The following PLCB1 variants were observed in gnomAD, a reference collection of about 807,000 sequenced individuals.
The protein encoded by PLCB1 is phospholipase C beta 1, also known as 1-phosphatidylinositol 4,5-bisphosphate phosphodiesterase beta-1.
A neutral mutation model predicts 161.8 loss-of-function variants in PLCB1; 46 were observed. The observed-to-expected ratio is 0.28, with a 90% CI of 0.22 to 0.36. The LOEUF (loss-of-function observed/expected upper bound fraction) is 0.36. Among genes scored for constraint, PLCB1 ranks in the 10% least tolerant of loss-of-function variants. The probability of loss-of-function intolerance (pLI) is 1.00; values close to 1 mark genes in which losing one functional copy is unlikely to be tolerated. For synonymous variants in PLCB1, 517 were observed against 503.7 expected (o/e 1.03, Z -0.35); for missense variants, 1,016 against 1,472.5 (o/e 0.69, Z 5.07).
At chr20:8,750,094 G>A (rs907263861) in intron 23 of PLCB1, among the ~76,000 whole-genome samples, 1 of 152,072 alleles carries the variant, frequency 6.6e-6, no homozygotes, top group Non-Finnish European at 1.5e-5. Context: ...ATACATCTAT[G>A]TGTAAAATTG....
At position 8,484,500 on chromosome 20, in the gene PLCB1, A is replaced by G. The variant is rs1203098727; in HGVS notation, c.246+113050A>G. ...CTCAGCCTCCCAAGTAGCTGGGACTACAGGCGCCCCCTCACCATGCCCAGA... is the reference window on the plus strand; with the variant it reads ...CTCAGCCTCCCAAGTAGCTGGGACTGCAGGCGCCCCCTCACCATGCCCAGA... On this transcript the variant is annotated intron_variant, in intron 3 of 31. Coordinates refer to ENST00000338037, the MANE Select transcript of PLCB1 (RefSeq NM_015192.4). 2.0e-5 allele frequency among the ~76,000 whole-genome samples: 3 copies of G among 151,506 alleles called. No homozygotes were observed. The East Asian group carries it at 5.9e-4, about 30-fold the overall frequency.
At chr20:8,605,660 A>G (rs1349211843) in intron 3 of PLCB1, among the ~76,000 whole-genome samples, 1 of 149,156 alleles carries the variant, frequency 6.7e-6, no homozygotes, top group Non-Finnish European at 1.5e-5. Flanking sequence ...TTTTTAAAAA[A>G]TAGATTCAGG....
At chr20:8,555,433 T>C (rs1985919365) in intron 3 of PLCB1, among the ~76,000 whole-genome samples, 1 of 152,160 alleles carries the variant, frequency 6.6e-6, no homozygotes, top group East Asian at 1.9e-4. Context: ...CACAAACTCA[T>C]AGACTGAGGC....
chr20:8,335,484 T>A (rs1251310200), intron 2 of PLCB1, among the ~76,000 whole-genome samples: 1 of 152,222 alleles, frequency 6.6e-6, no homozygotes, highest in Non-Finnish European at 1.5e-5. Flanking sequence ...TGTTTTGTGT[T>A]GTTATATGAA....
chr20:8,864,442 T>G lies in PLCB1; in HGVS notation c.3424-17180T>G, dbSNP rs566887301. Among the ~76,000 whole-genome samples, 304 of 152,346 alleles carry G rather than the reference T, an allele frequency of 2.0e-3. 1 individual carries two copies. The highest frequency in any genetic ancestry group is 2.7e-3 in the Non-Finnish European group (186 of 68,042). ...TATGTTTCACATTCTCCTACTAGTCTTGGGACTTCCTGAAGCCAGGGCTGT... is the reference window on the plus strand; with the variant it reads ...TATGTTTCACATTCTCCTACTAGTCGTGGGACTTCCTGAAGCCAGGGCTGT... On this transcript the variant is annotated intron_variant, in intron 31 of 31. Coordinates refer to ENST00000338037, the MANE Select transcript of PLCB1 (RefSeq NM_015192.4).
chr20:8,687,344 T>A (rs528249726), intron 10 of PLCB1, among the ~76,000 whole-genome samples: 12 of 152,318 alleles, frequency 7.9e-5, no homozygotes, highest in African/African-American at 2.4e-4. Flanking sequence ...ATTATTTTTT[T>A]AAATTATTTT....
chr20:8,353,413 T>G (rs1021186214), intron 2 of PLCB1, among the ~76,000 whole-genome samples: 1 of 152,116 alleles, frequency 6.6e-6, no homozygotes, highest in Non-Finnish European at 1.5e-5. Context: ...CTGCCTTCTC[T>G]TAAGTGTGGG....
At chr20:8,466,497 G>T (rs1482447216) in intron 3 of PLCB1, among the ~76,000 whole-genome samples, 1 of 151,806 alleles carries the variant, frequency 6.6e-6, no homozygotes, top group Non-Finnish European at 1.5e-5. Context: ...AAACAAAAGA[G>T]CTGTACAGGG....
intron 2 of PLCB1, among the ~76,000 whole-genome samples, chr20:8,185,390 T>C (rs184262828): frequency 3.3e-5 from 5 of 152,226 alleles, no homozygotes; most frequent in Non-Finnish European, 4.4e-5. Context: ...TTATGGAACA[T>C]TCATACAGTG....
intron 3 of PLCB1, among the ~76,000 whole-genome samples, chr20:8,551,362 C>G (rs977470477): frequency 1.3e-5 from 2 of 152,186 alleles, no homozygotes; most frequent in African/African-American, 4.8e-5. Flanking sequence ...TTTTTATGTA[C>G]TTTGTGTTCA....
intron 28 of PLCB1, 34 bp from the exon 29 acceptor site, chr20:8,788,599 T>G: frequency 6.3e-7 from 1 of 1,592,510 alleles, no homozygotes; most frequent in Non-Finnish European, 8.6e-7. Flanking sequence ...CTGATTTGCC[T>G]CTTTTTTCTC....
chr20:8,645,972 T>C, intron 4 of PLCB1, 130 bp from the exon 5 acceptor site: 1 of 608,836 alleles, frequency 1.6e-6, no homozygotes, highest in Non-Finnish European at 2.9e-6. Context: ...GGGATAATAA[T>C]ACAAAACAAA....
intron 7 of PLCB1, chr20:8,652,017 T>C (rs1252059643): frequency 6.5e-6 from 1 of 152,710 alleles, no homozygotes; most frequent in African/African-American, 2.4e-5. Flanking sequence ...ATATTTAACT[T>C]ATGAATCTAG....
intron 3 of PLCB1, among the ~76,000 whole-genome samples, chr20:8,523,486 CTCTCTCTCTCTATATATA>C (rs138675895): frequency 0.04 from 2,470 of 61,150 alleles, 117 homozygotes; most frequent in South Asian, 0.073. Context: ...CTCTCTCTCT[CTCTCTCTCTCTATATATA>C]TATATATATA....
At chr20:8,475,533 GTGT>G (rs1395180697) in intron 3 of PLCB1, among the ~76,000 whole-genome samples, 1 of 152,222 alleles carries the variant, frequency 6.6e-6, no homozygotes, top group Non-Finnish European at 1.5e-5. Context: ...AGTTCAGCCT[GTGT>G]TCGGAGTCAC....
At position 8,465,769 on chromosome 20, in the gene PLCB1, A is replaced by G. The variant is rs375342577; in HGVS notation, c.246+94319A>G. Among the ~76,000 whole-genome samples the G allele has an allele frequency of 9.4e-3, 1,423 of 151,662 alleles. 23 individuals are homozygous for G. The highest frequency in any genetic ancestry group is 0.032 in the African/African-American group (1,322 of 41,320). ...CAGAGAAATGCAAATCAAAACCACA[A>G]TGAGATACCATCTCACACCAGTTAG... On this transcript the variant is annotated intron_variant, in intron 3 of 31. Coordinates refer to ENST00000338037, the MANE Select transcript of PLCB1 (RefSeq NM_015192.4).
intron 31 of PLCB1, among the ~76,000 whole-genome samples, chr20:8,818,651 C>T (rs980687513): frequency 6.6e-6 from 1 of 151,980 alleles, no homozygotes; most frequent in Non-Finnish European, 1.5e-5. Flanking sequence ...AAATATATAA[C>T]ATCATAACAA....
chr20:8,197,626 A>G (rs1465656946), intron 2 of PLCB1, among the ~76,000 whole-genome samples: 6 of 152,192 alleles, frequency 3.9e-5, no homozygotes, highest in Non-Finnish European at 4.4e-5. Flanking sequence ...TCACTCTGAT[A>G]GTAGTTTCTT....
intron 3 of PLCB1, among the ~76,000 whole-genome samples, chr20:8,478,460 C>G (rs117509892): frequency 3.9e-5 from 6 of 152,106 alleles, no homozygotes; most frequent in Non-Finnish European, 7.4e-5. Flanking sequence ...TGTGGACATT[C>G]CATTGAGAGA....
Sources: allele counts gnomAD v4.1 joint callset (sites outside exome capture counted in the v4.1 genomes callset), GRCh38; gene constraint gnomAD v4.1.1; transcripts MANE v1.5; gene names NCBI Gene and HGNC (gene_info 2026-07-23, HGNC 2026-07-21).